The following UTRN variants were observed in gnomAD, a reference collection of about 807,000 sequenced individuals.
The protein encoded by UTRN is dystrophin-related protein 1.
Under a neutral mutation model 463.9 loss-of-function variants are expected in UTRN, and 283 were observed. The ratio of observed to expected loss-of-function variants is 0.61; its 90% CI spans 0.55 to 0.67. UTRN has a LOEUF of 0.67. UTRN is among the 30% of genes least tolerant of loss of function. The pLI is 0.00. For missense variants in UTRN, 3,922 were observed against 4,084.3 expected (o/e 0.96, Z 1.08); for synonymous variants, 1,442 against 1,431.5 (o/e 1.01, Z -0.17).
chr6:144,669,946 A>T (rs115422822), intron 51 of UTRN, among the ~76,000 whole-genome samples: 307 of 146,560 alleles, frequency 2.1e-3, no homozygotes, highest in African/African-American at 7.3e-3. Context: ...GTAGTATTGT[A>T]GTATTCCATG....
rs142233679 is a variant in UTRN, at chr6:144,760,594, T to C, written c.8495+2605T>C. On this transcript the variant is annotated intron_variant, in intron 58 of 74. Transcript: ENST00000367545. ...AAGAAGGAACATCAAATTCTGAAGG[T>C]AGAGTTATAAAAGCCAGTATTTATG... Among the ~76,000 whole-genome samples, 398 of 152,202 alleles carry C rather than the reference T, an allele frequency of 2.6e-3. 4 individuals carry two copies. Among genetic ancestry groups the C allele is most frequent in the African/African-American group, 9.0e-3 (374 of 41,554 alleles).
chr6:144,645,728 T>G (rs1304881264), intron 51 of UTRN, among the ~76,000 whole-genome samples: 1 of 152,134 alleles, frequency 6.6e-6, no homozygotes, highest in Non-Finnish European at 1.5e-5. Context: ...GAACAAATTT[T>G]AAAAGTGGCA....
At chr6:144,630,973 C>G (rs1776444526) in intron 51 of UTRN, among the ~76,000 whole-genome samples, 1 of 152,254 alleles carries the variant, frequency 6.6e-6, no homozygotes, top group East Asian at 1.9e-4. Flanking sequence ...TGGTTCTTCT[C>G]TCTTCCCTGC....
chr6:144,401,172 CTTAT>C (rs936907978), intron 2 of UTRN, among the ~76,000 whole-genome samples: 8 of 151,142 alleles, frequency 5.3e-5, no homozygotes. Flanking sequence ...TAATTTAATA[CTTAT>C]TTATGACCTT....
chr6:144,373,260 A>C (rs1043531997), intron 2 of UTRN, among the ~76,000 whole-genome samples: 1 of 152,234 alleles, frequency 6.6e-6, no homozygotes, highest in African/African-American at 2.4e-5. Flanking sequence ...AAAAGTGGAA[A>C]CAACCAAAAT....
Position 144,488,749 on chromosome 6 carries a change from A to C in UTRN, c.4049A>C (p.Gln1350Pro). The change falls in exon 30 of 75, where the codon CAA (glutamine) becomes CCA (proline). Residue 1350 changes from glutamine (Q) to proline (P), a missense_variant. Coordinates refer to ENST00000367545, the MANE Select transcript of UTRN (RefSeq NM_007124.3). ...ACTGACCAGATGCTTCAAGTCTTGC[A>C]AGAGAGCTTGGGGGAGCTGGACAAA... ...RETDQMLQVL[Q>P]ESLGELDKQL... The C allele has an allele frequency of 3.1e-6, 5 of 1,613,596 alleles. No individual in the cohort carries two copies. The highest frequency in any genetic ancestry group is 4.2e-6 in the Non-Finnish European group (5 of 1,179,688).
intron 33 of UTRN, among the ~76,000 whole-genome samples, chr6:144,497,994 G>T (rs1293898928): frequency 2.8e-4 from 42 of 152,232 alleles, no homozygotes; most frequent in Non-Finnish European, 1.3e-4. Flanking sequence ...AGAAACTAAT[G>T]TAAGTAGCAA....
intron 60 of UTRN, among the ~76,000 whole-genome samples, chr6:144,774,878 G>A (rs1056311358): frequency 3.9e-5 from 6 of 152,190 alleles, no homozygotes; most frequent in Non-Finnish European, 5.9e-5. Flanking sequence ...TGTGGAGGAT[G>A]TGTTCAGAGT....
chr6:144,769,877 C>T (rs1793807476), intron 58 of UTRN, among the ~76,000 whole-genome samples: 1 of 152,138 alleles, frequency 6.6e-6, no homozygotes, highest in Admixed American at 6.5e-5. Flanking sequence ...CTCAGCAAAT[C>T]CTTCCATATT....
chr6:144,481,599 C>T (rs1292682622), intron 26 of UTRN, among the ~76,000 whole-genome samples: 1 of 152,232 alleles, frequency 6.6e-6, no homozygotes, highest in African/African-American at 2.4e-5. Flanking sequence ...AAAATTCACT[C>T]ACTTAAATTC....
chr6:144,663,438 A>T (rs1420521112), intron 51 of UTRN, among the ~76,000 whole-genome samples: 1 of 152,200 alleles, frequency 6.6e-6, no homozygotes, highest in Non-Finnish European at 1.5e-5. Flanking sequence ...TACTTCCTAA[A>T]GGAAGTATCT....
intron 51 of UTRN, chr6:144,660,402 A>C: frequency 2.6e-6 from 1 of 380,304 alleles, no homozygotes; most frequent in East Asian, 7.3e-5. Flanking sequence ...AGGAATATTC[A>C]ATTTTGCTGT....
chr6:144,697,529 A>G (rs1180614232), intron 52 of UTRN, among the ~76,000 whole-genome samples: 1 of 152,188 alleles, frequency 6.6e-6, no homozygotes, highest in Admixed American at 6.5e-5. Context: ...AGAAGCATGC[A>G]TTTATTTGAG....
At chr6:144,789,838 T>G (rs1776609939) in intron 62 of UTRN, among the ~76,000 whole-genome samples, 1 of 152,216 alleles carries the variant, frequency 6.6e-6, no homozygotes, top group Non-Finnish European at 1.5e-5. Flanking sequence ...ATTTTTATTA[T>G]ATTTGGATTT....
At chr6:144,691,464 C>G (rs367719049) in intron 52 of UTRN, among the ~76,000 whole-genome samples, 1 of 151,252 alleles carries the variant, frequency 6.6e-6, no homozygotes, top group African/African-American at 2.4e-5. Context: ...TTTCAACTGT[C>G]AAATTCTCCA....
Position 144,751,818 on chromosome 6 carries a change from G to A in UTRN, c.8221G>A (p.Glu2741Lys). ...HIEKIMAFRE[E>K]IAPINFKVKT... ...TCTTTTCTTCTAGGCATTTAGAGAAGAAATTGCACCAATCAACTTTAAAGT... is the reference window on the plus strand; with the variant it reads ...TCTTTTCTTCTAGGCATTTAGAGAAAAAATTGCACCAATCAACTTTAAAGT... The change falls in exon 56 of 75, where the codon GAA becomes AAA. Residue 2741 changes from glutamate (E) to lysine (K), a missense_variant. Around this residue, in one of 3 missense-constraint regions of UTRN, gnomAD observed 1,309 missense variants for 1,452.6 expected, o/e 0.90. Coordinates refer to ENST00000367545, the MANE Select transcript of UTRN (RefSeq NM_007124.3). 1 of 1,603,308 alleles carries A rather than the reference G, an allele frequency of 6.2e-7. No homozygotes were observed. Among genetic ancestry groups the A allele is most frequent in the South Asian group, 1.1e-5 (1 of 88,802 alleles).
At chr6:144,373,379 C>A (rs1780177545) in intron 2 of UTRN, among the ~76,000 whole-genome samples, 1 of 152,102 alleles carries the variant, frequency 6.6e-6, no homozygotes, top group Non-Finnish European at 1.5e-5. Context: ...CATGCATGGG[C>A]CTTGAAAACA....
Position 144,458,799 on chromosome 6 carries a change from G to T in UTRN, c.2314G>T (p.Val772Phe). 6.2e-7 allele frequency: 1 copy of T among 1,604,128 alleles called. No homozygotes were observed. The highest frequency in any genetic ancestry group is 1.1e-5 in the South Asian group (1 of 88,470). ...CCTTCCTACTGAAGAAATAAAAAAT[G>T]TTCTGGAGAAGGTTTCATCAGAATG... ...EGLPTEEIKN[V>F]LEKVSSEWKN... The change falls in exon 20 of 75, where the codon GTT (valine) becomes TTT (phenylalanine). Residue 772 changes from valine to phenylalanine, a missense_variant. Physicochemically the swap from Val to Phe is conservative, Grantham distance 50. Around this residue, in one of 3 missense-constraint regions of UTRN, gnomAD observed 2,349 missense variants for 2,303.8 expected, o/e 1.02. Transcript: ENST00000367545.
rs761020061 is a variant in UTRN at position 144,836,503 on chromosome 6, G to A, written c.10027G>A (p.Glu3343Lys). Reference protein sequence around the residue: ...QILEDHNKQLESQLHRLRQLL... With the variant: ...QILEDHNKQLKSQLHRLRQLL... ...TTTAGAAGATCACAATAAACAGCTG[G>A]AGTCTCAGCTCCACCGCCTCCGACA... Residue 3343 changes from glutamate (E) to lysine (K), a missense_variant, in exon 71 of 75, where the codon GAG (glutamate) becomes AAG (lysine). Around this residue, in one of 3 missense-constraint regions of UTRN, gnomAD observed 1,309 missense variants for 1,452.6 expected, o/e 0.90. Coordinates refer to ENST00000367545, the MANE Select transcript of UTRN (RefSeq NM_007124.3). The A allele has an allele frequency of 6.2e-7, 1 of 1,613,858 alleles. No individual in the cohort carries two copies. The highest frequency in any genetic ancestry group is 1.1e-5 in the South Asian group (1 of 91,066).
Sources: allele counts gnomAD v4.1 joint callset (sites outside exome capture counted in the v4.1 genomes callset), GRCh38; gene constraint gnomAD v4.1.1; regional missense constraint gnomAD v4.1.1; transcripts MANE v1.5; gene names NCBI Gene and HGNC (gene_info 2026-07-23, HGNC 2026-07-21).